Variants in EFCAB6 observed in about 807,000 individuals in gnomAD.
EFCAB6 encodes the protein EF-hand calcium binding domain 6.
EFCAB6 carries 156 observed loss-of-function variants against 169.8 expected under a neutral mutation model. That is an observed-to-expected ratio of 0.92 (90% CI 0.81 to 1.05). The LOEUF (loss-of-function observed/expected upper bound fraction) is 1.05, where lower values mean the gene tolerates loss of function less well. Among genes scored for constraint, EFCAB6 ranks in the 50% least tolerant of loss-of-function variants. The pLI is 0.00. For synonymous variants in EFCAB6, 698 were observed against 676.4 expected (o/e 1.03, Z -0.50); for missense variants, 1,800 against 1,829.1 (o/e 0.98, Z 0.29).
intron 6 of EFCAB6, among the ~76,000 whole-genome samples, chr22:43,755,347 T>C (rs980092338): frequency 6.6e-6 from 1 of 152,246 alleles, no homozygotes; most frequent in Non-Finnish European, 1.5e-5. Context: ...AATTACTCAA[T>C]ACTTAAGTAT....
intron 13 of EFCAB6, among the ~76,000 whole-genome samples, chr22:43,677,063 C>A (rs137784): frequency 0.54 from 82,349 of 152,034 alleles, 22,715 homozygotes; most frequent in East Asian, 0.77. Context: ...CTGTTAAAAG[C>A]AGCTTTTTAA....
intron 11 of EFCAB6, among the ~76,000 whole-genome samples, chr22:43,686,088 T>C (rs1347541055): frequency 6.6e-6 from 1 of 151,988 alleles, no homozygotes; most frequent in East Asian, 1.9e-4. Flanking sequence ...TTCAAGCAAT[T>C]CTCCTGCCTC....
chr22:43,789,700 T>C (rs1028852779), intron 2 of EFCAB6, among the ~76,000 whole-genome samples: 1 of 152,210 alleles, frequency 6.6e-6, no homozygotes, highest in Non-Finnish European at 1.5e-5. Context: ...GTTTGGCTTA[T>C]TAGTGTTTCA....
At chr22:43,667,343 C>T in intron 16 of EFCAB6, 71 bp from the exon 17 acceptor site, 2 of 1,540,564 alleles carry the variant, frequency 1.3e-6, no homozygotes, top group East Asian at 2.3e-5. Context: ...CAGACTGCAC[C>T]CATTTCCATG....
chr22:43,771,619 C>T (rs1329496183), intron 4 of EFCAB6, among the ~76,000 whole-genome samples: 1 of 151,998 alleles, frequency 6.6e-6, no homozygotes, highest in African/African-American at 2.4e-5. Context: ...AAGGGTTTGA[C>T]TCCTACTGCA....
chr22:43,641,781 C>G (rs993957707), intron 17 of EFCAB6, among the ~76,000 whole-genome samples: 3 of 152,144 alleles, frequency 2.0e-5, no homozygotes, highest in African/African-American at 7.2e-5. Flanking sequence ...TGTGCTGGAC[C>G]AGCCGTGGGA....
chr22:43,591,823 C>T (rs974548141), intron 23 of EFCAB6, among the ~76,000 whole-genome samples: 10 of 152,106 alleles, frequency 6.6e-5, no homozygotes, highest in East Asian at 1.9e-4. Flanking sequence ...AAAAAAATTA[C>T]GGTTAAGGAA....
intron 5 of EFCAB6, among the ~76,000 whole-genome samples, chr22:43,761,199 T>C (rs1334244418): frequency 2.6e-5 from 4 of 152,250 alleles, no homozygotes; most frequent in Non-Finnish European, 5.9e-5. Context: ...TGCCTTGATC[T>C]TGGACTGCCC....
chr22:43,765,406 G>C lies in EFCAB6; in HGVS notation c.352-13C>G, dbSNP rs1324355546. ...TGCTAAGGGGGATCTACAGTCAAGG[G>C]AGAAGAATGACAACATGTTAGAGAA... On this transcript the variant is annotated splice_polypyrimidine_tract_variant and intron_variant, in intron 4 of 31. Transcript: ENST00000262726. The C allele has an allele frequency of 6.3e-7, 1 of 1,595,756 alleles. No homozygotes were observed. The highest frequency in any genetic ancestry group is 1.3e-5 in the African/African-American group (1 of 74,464).
intron 5 of EFCAB6, among the ~76,000 whole-genome samples, chr22:43,761,597 T>C (rs2061163346): frequency 6.6e-6 from 1 of 152,268 alleles, no homozygotes; most frequent in African/African-American, 2.4e-5. Context: ...TTCATTTCTT[T>C]AAACATATTA....
In EFCAB6 at chr22:43,741,592, TG is replaced by T. The variant is rs202008771; in HGVS notation, c.508-5600del. Among the ~76,000 whole-genome samples the T allele has an allele frequency of 6.8e-3, 1,037 of 152,334 alleles. 18 individuals are homozygous for T. Among genetic ancestry groups the T allele is most frequent in the Non-Finnish European group, 7.3e-3 (495 of 68,044 alleles). On this transcript the variant is annotated intron_variant, in intron 6 of 31. Coordinates refer to ENST00000262726, the MANE Select transcript of EFCAB6 (RefSeq NM_022785.4). ...TATTGTCTTTCTTCCTCCTTTGAAA[TG>T]TAAATTCCACAAAGCAGGAAGTTGG...
chr22:43,692,611 AGACTT>A (rs2058448671), intron 10 of EFCAB6, among the ~76,000 whole-genome samples: 1 of 152,198 alleles, frequency 6.6e-6, no homozygotes, highest in African/African-American at 2.4e-5. Flanking sequence ...TTTACTGAAT[AGACTT>A]AACAAAAGAA....
intron 17 of EFCAB6, among the ~76,000 whole-genome samples, chr22:43,636,492 G>A (rs974950790): frequency 6.6e-6 from 1 of 151,948 alleles, no homozygotes; most frequent in Non-Finnish European, 1.5e-5. Flanking sequence ...CTCAAGAAAG[G>A]CACTCTTTCT....
chr22:43,714,682 A>G (rs577523926), intron 9 of EFCAB6, among the ~76,000 whole-genome samples: 1 of 152,336 alleles, frequency 6.6e-6, no homozygotes, highest in African/African-American at 2.4e-5. Context: ...AAAAGAAAGC[A>G]TGATGGACGG....
At chr22:43,605,170 C>G (rs116196034) in intron 22 of EFCAB6, among the ~76,000 whole-genome samples, 1 of 152,186 alleles carries the variant, frequency 6.6e-6, no homozygotes, top group East Asian at 1.9e-4. Context: ...TGAGAGAAAT[C>G]GGATGTCGCT....
At chr22:43,531,274 G>A (rs563912955) in intron 30 of EFCAB6, among the ~76,000 whole-genome samples, 2 of 152,226 alleles carry the variant, frequency 1.3e-5, no homozygotes, top group Admixed American at 1.3e-4. Context: ...GTGGAGACTC[G>A]GGGAGGTAAA....
chr22:43,718,659 T>C (rs2059417590), intron 8 of EFCAB6, among the ~76,000 whole-genome samples: 1 of 152,192 alleles, frequency 6.6e-6, no homozygotes, highest in Admixed American at 6.5e-5. Flanking sequence ...GGCACGCCTA[T>C]AGTCCCAGCT....
At chr22:43,674,249 T>C (rs1441201423) in intron 13 of EFCAB6, among the ~76,000 whole-genome samples, 1 of 152,252 alleles carries the variant, frequency 6.6e-6, no homozygotes, top group Admixed American at 6.5e-5. Context: ...CTATGTTTTC[T>C]AATTTTTCCA....
At chr22:43,750,357 A>G (rs1174648185) in intron 6 of EFCAB6, among the ~76,000 whole-genome samples, 1 of 152,244 alleles carries the variant, frequency 6.6e-6, no homozygotes, top group Non-Finnish European at 1.5e-5. Flanking sequence ...CGGAGACACA[A>G]GAATAAAAGC....
Sources: gnomAD v4.1 joint callset for allele counts (sites outside exome capture counted in the v4.1 genomes callset) on GRCh38, gnomAD v4.1.1 for gene constraint, MANE v1.5 for transcripts, NCBI Gene and HGNC (gene_info 2026-07-23, HGNC 2026-07-21) for gene names.